Variants in PRUNE2 observed in about 807,000 individuals in gnomAD.
PRUNE2 encodes protein prune homolog 2.
PRUNE2 carries 164 observed loss-of-function variants against 252.0 expected under a neutral mutation model. That is an observed-to-expected ratio of 0.65 (90% CI 0.57 to 0.74). The LOEUF (loss-of-function observed/expected upper bound fraction) is 0.74, where lower values mean the gene tolerates loss of function less well. Ranked by LOEUF, PRUNE2 falls within the 30% of genes least tolerant of loss-of-function variation. The probability of loss-of-function intolerance (pLI) is 0.00; values close to 1 mark genes in which losing one functional copy is unlikely to be tolerated. For missense variants in PRUNE2, 3,495 were observed against 3,711.0 expected (o/e 0.94, Z 1.51); for synonymous variants, 1,292 against 1,350.2 (o/e 0.96, Z 0.94).
At chr9:76,700,086 T>C (rs774697328) in intron 9 of PRUNE2, 15 of 152,198 alleles carry the variant, frequency 9.9e-5, no homozygotes, top group Non-Finnish European at 2.2e-4. Context: ...GAGGTTATCT[T>C]TCAGCCCTAG....
intron 6 of PRUNE2, among the ~76,000 whole-genome samples, chr9:76,764,026 G>A (rs1188671272): frequency 6.6e-6 from 1 of 152,140 alleles, no homozygotes; most frequent in African/African-American, 2.4e-5. Flanking sequence ...CTTCGTTAGG[G>A]TTAAAAGATT....
intron 18 of PRUNE2, among the ~76,000 whole-genome samples, chr9:76,616,446 C>T (rs989303204): frequency 3.3e-5 from 5 of 152,156 alleles, no homozygotes; most frequent in African/African-American, 7.2e-5. Context: ...ATTTGGGGCA[C>T]ATCGTCTAAA....
chr9:76,718,587 G>T (rs767643970), intron 6 of PRUNE2, among the ~76,000 whole-genome samples: 1 of 152,044 alleles, frequency 6.6e-6, no homozygotes, highest in African/African-American at 2.4e-5. Context: ...CGGATTCACC[G>T]ACTGCCCTTC....
intron 6 of PRUNE2, among the ~76,000 whole-genome samples, chr9:76,788,746 G>C (rs566586135): frequency 6.6e-6 from 1 of 152,322 alleles, no homozygotes; most frequent in South Asian, 2.1e-4. Context: ...AGAAGAGAGA[G>C]AGACTCATAT....
In PRUNE2 at chr9:76,706,297, G is replaced by C. The variant is rs1043357448; in HGVS notation, c.5977C>G (p.Gln1993Glu). 5 of 1,613,904 alleles carry C rather than the reference G, an allele frequency of 3.1e-6. No homozygotes were observed. Among genetic ancestry groups the C allele is most frequent in the Non-Finnish European group, 4.2e-6 (5 of 1,179,854 alleles). The stretch of plus-strand genomic sequence containing the variant: ...TCTTGTTCCCACTGATTTGTTTCTT[G>C]ACCTTCATTAGTTGAAACATTAGAT... Reference protein sequence around the residue: ...VTSNVSTNEGQETNQWEQEKS... With the variant: ...VTSNVSTNEGEETNQWEQEKS... Residue 1993 changes from glutamine (Q) to glutamate (E), a missense_variant, in exon 8 of 19, where the codon CAA (glutamine) becomes GAA (glutamate). Coordinates refer to ENST00000376718, the MANE Select transcript of PRUNE2 (RefSeq NM_015225.3).
At chr9:76,615,340 G>T (rs2131813684) in intron 18 of PRUNE2, 1 of 583,704 alleles carries the variant, frequency 1.7e-6, no homozygotes, top group Non-Finnish European at 2.2e-6. Flanking sequence ...GGGTGATTTG[G>T]CACGTATCTG....
At chr9:76,615,943 GTGT>G (rs771411038) in intron 18 of PRUNE2, among the ~76,000 whole-genome samples, 4 of 151,602 alleles carry the variant, frequency 2.6e-5, no homozygotes, top group Non-Finnish European at 4.4e-5. Context: ...ATAATTTTTT[GTGT>G]TTTTAGCGAG....
intron 1 of PRUNE2, among the ~76,000 whole-genome samples, chr9:76,898,640 C>A (rs1170299315): frequency 6.6e-6 from 1 of 151,762 alleles, no homozygotes; most frequent in Non-Finnish European, 1.5e-5. Flanking sequence ...AAAATTAAAA[C>A]AACTATAATG....
intron 6 of PRUNE2, among the ~76,000 whole-genome samples, chr9:76,794,569 C>T (rs1186924737): frequency 6.8e-6 from 1 of 146,816 alleles, no homozygotes; most frequent in Admixed American, 6.9e-5. Flanking sequence ...GAGCCCAGAT[C>T]GCACCACTGC....
chr9:76,703,950 G>C lies in PRUNE2; in HGVS notation c.7663C>G (p.Arg2555Gly). 1.2e-6 allele frequency: 2 copies of C among 1,613,744 alleles called. No homozygotes were observed. Among genetic ancestry groups the C allele is most frequent in the Non-Finnish European group, 1.7e-6 (2 of 1,179,850 alleles). Residue 2555 changes from arginine (R) to glycine (G), a missense_variant, in exon 9 of 19, where the codon CGT becomes GGT. Coordinates refer to ENST00000376718, the MANE Select transcript of PRUNE2 (RefSeq NM_015225.3). ...ALHMDYILVN[R>G]EENSHSKPET... ...GGCTTTGAGTGTGAATTTTCTTCACGGTTTACAAGTATGTAATCCATGTGT... is the reference window on the plus strand; with the variant it reads ...GGCTTTGAGTGTGAATTTTCTTCACCGTTTACAAGTATGTAATCCATGTGT...
chr9:76,851,929 A>G (rs1241435905), intron 2 of PRUNE2, among the ~76,000 whole-genome samples: 4 of 152,198 alleles, frequency 2.6e-5, no homozygotes, highest in Non-Finnish European at 5.9e-5. Context: ...CTAACTATCA[A>G]TGAGAGAATG....
At chr9:76,859,686 C>T (rs529560898) in intron 1 of PRUNE2, among the ~76,000 whole-genome samples, 1 of 150,266 alleles carries the variant, frequency 6.7e-6, no homozygotes, top group African/African-American at 2.5e-5. Context: ...GGCTAGGGTG[C>T]TTGTTTGTTT....
chr9:76,749,460 T>A (rs973550278), intron 6 of PRUNE2, among the ~76,000 whole-genome samples: 2 of 152,232 alleles, frequency 1.3e-5, no homozygotes, highest in Non-Finnish European at 2.9e-5. Context: ...GTATTCTGTC[T>A]TTTTCAGCCA....
intron 10 of PRUNE2, among the ~76,000 whole-genome samples, chr9:76,653,512 A>AT (rs555475091): frequency 6.6e-5 from 10 of 151,666 alleles, no homozygotes; most frequent in South Asian, 4.2e-4. Flanking sequence ...TACAGATGCG[A>AT]TTTTTTTTTC....
At chr9:76,716,278 C>G (rs1431872282) in intron 6 of PRUNE2, among the ~76,000 whole-genome samples, 1 of 152,178 alleles carries the variant, frequency 6.6e-6, no homozygotes, top group East Asian at 1.9e-4. Context: ...GACTCAAGTC[C>G]AAAAGCATTG....
In PRUNE2 at chr9:76,823,578, CA is replaced by C. The variant is rs769736114; in HGVS notation, c.756+53del. The C allele has an allele frequency of 5.9e-6, 6 of 1,012,526 alleles. No homozygotes were observed. In the East Asian group the frequency reaches 1.4e-4, roughly 24 times the overall value. 62.7% of individuals were successfully genotyped at this position (1,012,526 alleles called of 1,614,324 possible). A position where few individuals can be genotyped will look rare whatever the true frequency, so the allele number is the denominator to read the frequency against. ...TGGAGAGAGTTACATTCCAGTTGCT[CA>C]GACTGCAATTGTGGGAAATCAATCA... is the stretch of plus-strand genomic sequence containing the variant. On this transcript the variant is annotated intron_variant, in intron 6 of 18. Coordinates refer to ENST00000376718, the MANE Select transcript of PRUNE2 (RefSeq NM_015225.3).
chr9:76,682,787 G>A (rs7854797), intron 9 of PRUNE2, among the ~76,000 whole-genome samples: 30,892 of 152,122 alleles, frequency 0.2, 3,385 homozygotes, highest in Admixed American at 0.28. Context: ...CATCACTTGG[G>A]ATGGCTATCA....
intron 4 of PRUNE2, among the ~76,000 whole-genome samples, chr9:76,837,239 T>C (rs112742116): frequency 0.036 from 5,413 of 152,088 alleles, 209 homozygotes; most frequent in East Asian, 0.15. Flanking sequence ...GTGAAGCGAT[T>C]GAGACCATCC....
At chr9:76,651,609 T>TA (rs1047955146) in intron 11 of PRUNE2, among the ~76,000 whole-genome samples, 19 of 151,844 alleles carry the variant, frequency 1.3e-4, no homozygotes, top group South Asian at 4.2e-4. Context: ...TAATGCCATT[T>TA]AAAAAAAAAT....
Sources: gnomAD v4.1 joint callset for allele counts (sites outside exome capture counted in the v4.1 genomes callset) on GRCh38, gnomAD v4.1.1 for gene constraint, MANE v1.5 for transcripts, NCBI Gene and HGNC (gene_info 2026-07-23, HGNC 2026-07-21) for gene names.